Variants in SAXO4 observed in about 807,000 individuals in gnomAD.
SAXO4 encodes the protein stabilizer of axonemal microtubules 4.
chr11:61,485,256 C>T, the SAXO4 span: 13 of 1,236,186 alleles, frequency 1.1e-5, no homozygotes, highest in South Asian at 5.1e-5. Flanking sequence ...CACAGAGAAC[C>T]GAGGCGCCAC....
the SAXO4 span, chr11:61,489,822 T>A: frequency 6.2e-7 from 1 of 1,613,926 alleles, no homozygotes; most frequent in East Asian, 2.2e-5. Flanking sequence ...CCAGGAAGGC[T>A]GGACTCGAGG....
chr11:61,487,004 T>C, the SAXO4 span: 1 of 1,614,132 alleles, frequency 6.2e-7, no homozygotes, highest in South Asian at 1.1e-5. Flanking sequence ...TTCAGCCACT[T>C]CATCGGATGC....
chr11:61,484,698 T>C, the SAXO4 span: 3 of 1,613,544 alleles, frequency 1.9e-6, no homozygotes, highest in Non-Finnish European at 2.5e-6. Flanking sequence ...GTCCGGAAGG[T>C]CCATTTCGAC....
At chr11:61,483,453 A>G in the SAXO4 span, among the ~76,000 whole-genome samples, 1 of 151,940 alleles carries the variant, frequency 6.6e-6, no homozygotes, top group African/African-American at 2.4e-5. Flanking sequence ...GGCGTGAGCC[A>G]CTGCGCCCAG....
chr11:61,490,601 C>T, the SAXO4 span: 2 of 1,598,622 alleles, frequency 1.3e-6, no homozygotes, highest in African/African-American at 1.3e-5. Context: ...GGCTGGGGAT[C>T]CCCACACTCA....
the SAXO4 span, chr11:61,482,419 C>T: frequency 6.4e-4 from 1,031 of 1,613,808 alleles, no homozygotes; most frequent in Non-Finnish European, 8.3e-4. Flanking sequence ...TTAGACAACC[C>T]GGCCAGGGGG....
chr11:61,482,431 AC>A, the SAXO4 span: 1 of 1,612,324 alleles, frequency 6.2e-7, no homozygotes, highest in South Asian at 1.1e-5. Flanking sequence ...GCCAGGGGGT[AC>A]GGTCTGTATG....
chr11:61,481,522 C>A, the SAXO4 span, among the ~76,000 whole-genome samples: 1 of 152,172 alleles, frequency 6.6e-6, no homozygotes, highest in Non-Finnish European at 1.5e-5. Flanking sequence ...TCACTTGGAA[C>A]CTCACTGTCC....
At chr11:61,487,508 A>G in the SAXO4 span, among the ~76,000 whole-genome samples, 2 of 152,210 alleles carry the variant, frequency 1.3e-5, no homozygotes, top group Admixed American at 6.5e-5. Context: ...AAACTCTAGA[A>G]AACAGTGTAA....
the SAXO4 span, chr11:61,482,740 T>G: frequency 6.2e-7 from 1 of 1,613,932 alleles, no homozygotes; most frequent in South Asian, 1.1e-5. Flanking sequence ...TCCCCTGCCC[T>G]GGAGCATGCG....
chr11:61,485,484 C>T, the SAXO4 span: 7 of 1,275,880 alleles, frequency 5.5e-6, no homozygotes, highest in South Asian at 9.2e-5. Context: ...CTGGAGCTGG[C>T]CTAGGACTGA....
the SAXO4 span, chr11:61,486,978 G>A: frequency 1.6e-5 from 26 of 1,614,008 alleles, no homozygotes; most frequent in East Asian, 2.7e-4. Flanking sequence ...ACCCAGCAGC[G>A]TGAGTCACCA....
At chr11:61,490,520 C>G in the SAXO4 span, 8 of 1,614,136 alleles carry the variant, frequency 5.0e-6, no homozygotes, top group Middle Eastern at 3.3e-4. Context: ...CTCAGCTGAC[C>G]CCTTCTACCA....
the SAXO4 span, chr11:61,481,823 T>G: frequency 1.3e-6 from 2 of 1,523,482 alleles, no homozygotes; most frequent in Non-Finnish European, 1.7e-6. Flanking sequence ...ATGGGGAAAC[T>G]CCCCCTGGGG....
the SAXO4 span, chr11:61,484,864 C>T: frequency 6.6e-6 from 10 of 1,510,252 alleles, no homozygotes; most frequent in African/African-American, 1.4e-4. Context: ...AGAGGGGCCA[C>T]ACCCGCCTCT....
the SAXO4 span, chr11:61,486,947 G>C: frequency 6.2e-7 from 1 of 1,613,826 alleles, no homozygotes; most frequent in African/African-American, 1.3e-5. Flanking sequence ...GTGCCCTGCA[G>C]GTGCCCCCTC....
chr11:61,484,777 G>A, the SAXO4 span: 309 of 1,610,604 alleles, frequency 1.9e-4, no homozygotes, highest in Non-Finnish European at 2.5e-4. Context: ...TCCACCAGCA[G>A]CAGGGCCAGG....
At chr11:61,481,911 C>T in the SAXO4 span, 4 of 1,580,690 alleles carry the variant, frequency 2.5e-6, no homozygotes, top group South Asian at 3.5e-5. Flanking sequence ...GCTACTGCAC[C>T]GCCTACGGTG....
At chr11:61,482,773 C>T in the SAXO4 span, 8 of 1,612,802 alleles carry the variant, frequency 5.0e-6, no homozygotes, top group Non-Finnish European at 6.8e-6. Context: ...AGGCTATGGG[C>T]GGGAGAAGCC....
Sources: allele counts gnomAD v4.1 joint callset (sites outside exome capture counted in the v4.1 genomes callset), GRCh38; gene constraint gnomAD v4.1.1; transcripts MANE v1.5; gene names NCBI Gene and HGNC (gene_info 2026-07-23, HGNC 2026-07-21).